Variants in CP observed in about 807,000 individuals in gnomAD.
CP encodes caeruloplasmin.
CP carries 64 observed loss-of-function variants against 122.4 expected under a neutral mutation model. The observed-to-expected ratio is 0.52, with a 90% confidence interval of 0.43 to 0.64. CP has a LOEUF of 0.64. Among genes scored for constraint, CP ranks in the 30% least tolerant of loss-of-function variants. CP has a pLI of 0.00. For missense variants in CP, 1,167 were observed against 1,284.4 expected (o/e 0.91, Z 1.40); for synonymous variants, 440 against 436.4 (o/e 1.01, Z -0.10).
chr3:149,169,632 A>G (rs1724782975), downstream of CP, among the ~76,000 whole-genome samples: 1 of 152,170 alleles, frequency 6.6e-6, no homozygotes. Flanking sequence ...AGTTATAACA[A>G]ACAAAAATGT....
In CP at chr3:149,202,047, T is replaced by C. The variant is rs75447948; in HGVS notation, c.1348+55A>G. 4,393 of 1,610,354 alleles carry C rather than the reference T, an allele frequency of 2.7e-3. 97 individuals are homozygous for C. The African/African-American group carries it at 0.048, about 18-fold the overall frequency. On this transcript the variant is annotated intron_variant, in intron 7 of 18. Transcript: ENST00000264613. ...CCTGAAGTTACTATTCTTTCTGAGG[T>C]TGATGTAGCCCATGGGAAGAGTAAA...
At chr3:149,216,205 G>T (rs1040693108) in intron 1 of CP, among the ~76,000 whole-genome samples, 1 of 152,216 alleles carries the variant, frequency 6.6e-6, no homozygotes, top group Non-Finnish European at 1.5e-5. Flanking sequence ...CTATGGGTCA[G>T]AGTCTGGCAT....
chr3:149,207,650 G>C (rs559047332), intron 4 of CP, 33 bp from the exon 5 acceptor site: 1 of 1,611,856 alleles, frequency 6.2e-7, no homozygotes, highest in Non-Finnish European at 8.5e-7. Context: ...GTGACTAAGA[G>C]TCATTAATGC....
At position 149,177,897 on chromosome 3, in the gene CP, C is replaced by T. The variant is rs1460906961; in HGVS notation, c.2961G>A (p.Met987Ile). 25 of 1,613,660 alleles carry T rather than the reference C, an allele frequency of 1.5e-5. No individual in the cohort carries two copies. Among genetic ancestry groups the T allele is most frequent in the Admixed American group, 3.3e-5 (2 of 60,002 alleles). Residue 987 changes from methionine (M) to isoleucine (I), a missense_variant, in exon 17 of 19, where the codon ATG (methionine) becomes ATA (isoleucine). This residue lies in a region of CP where 525 missense variants were observed against 657.2 expected (regional missense o/e 0.80). Transcript: ENST00000264613. ...GDEVNWYLMG[M>I]GNEIDLHTVH... Reference sequence around the variant, plus strand: ...CAGTGTGTAAGTCTATTTCATTGCCCATTCCCATCAGATACCAGTTGACTT... The same window carrying T: ...CAGTGTGTAAGTCTATTTCATTGCCTATTCCCATCAGATACCAGTTGACTT...
chr3:149,206,646 CTG>C, intron 5 of CP, among the ~76,000 whole-genome samples: 1 of 152,084 alleles, frequency 6.6e-6, no homozygotes, highest in African/African-American at 2.4e-5. Flanking sequence ...AAGAACAAAT[CTG>C]TAGATAAGCA....
At chr3:149,203,026 C>A (rs1160693125) in intron 6 of CP, among the ~76,000 whole-genome samples, 2 of 150,538 alleles carry the variant, frequency 1.3e-5, no homozygotes, top group South Asian at 4.2e-4. Context: ...CCTGCCTCAG[C>A]CTCCCGAGTA....
rs745371364 is a variant in CP, at chr3:149,185,309, C to G, written c.2215G>C (p.Val739Leu). ...LGERTYYIAA[V>L]EVEWDYSPQR... ...GGGGAATAATCCCATTCCACCTCCA[C>G]TGCTGCGATATAGTATGTCCTCTCT... is the stretch of plus-strand genomic sequence containing the variant. The change falls in exon 12 of 19, where the codon GTG becomes CTG. Residue 739 changes from valine to leucine, a missense_variant. Coordinates refer to ENST00000264613, the MANE Select transcript of CP (RefSeq NM_000096.4). The G allele has an allele frequency of 6.8e-6, 11 of 1,614,070 alleles. No individual in the cohort carries two copies. Among genetic ancestry groups the G allele is most frequent in the Non-Finnish European group, 8.5e-6 (10 of 1,180,022 alleles).
chr3:149,196,791 G>T (rs571223417), intron 9 of CP, among the ~76,000 whole-genome samples: 1 of 152,238 alleles, frequency 6.6e-6, no homozygotes, highest in Non-Finnish European at 1.5e-5. Context: ...TATAGGGAAT[G>T]AATCAAGTAT....
intron 11 of CP, chr3:149,186,287 A>G: frequency 1.8e-6 from 1 of 568,994 alleles, no homozygotes; most frequent in African/African-American, 1.9e-5. Context: ...ATGGAAGTGG[A>G]GAAAACCACA....
intron 7 of CP, 131 bp from the exon 8 acceptor site, chr3:149,199,995 A>G: frequency 3.1e-6 from 3 of 974,682 alleles, no homozygotes; most frequent in Admixed American, 4.0e-5. Flanking sequence ...TGGTGAATGG[A>G]AAGCTTGGTT....
At chr3:149,210,791 A>G (rs1728054702) in intron 2 of CP, among the ~76,000 whole-genome samples, 1 of 152,146 alleles carries the variant, frequency 6.6e-6, no homozygotes, top group African/African-American at 2.4e-5. Flanking sequence ...ACACACACAA[A>G]GGTTGAGAGA....
chr3:149,162,553 G>A (rs961998417), exon 6 of CP: 1 of 1,058,282 alleles, frequency 9.4e-7, no homozygotes, highest in Non-Finnish European at 1.4e-6. Context: ...GTCTAAATTT[G>A]CTTTTGCCAT....
chr3:149,165,873 C>A, intron 5 of CP: 2 of 396,342 alleles, frequency 5.0e-6, no homozygotes, highest in Admixed American at 2.9e-5. Flanking sequence ...CTTATTTCAT[C>A]TCTGCCATCT....
chr3:149,206,528 C>T (rs1464927598), intron 5 of CP, among the ~76,000 whole-genome samples, 189 bp from the exon 6 acceptor site: 3 of 152,150 alleles, frequency 2.0e-5, no homozygotes, highest in Admixed American at 2.0e-4. Context: ...AACAGATATA[C>T]TTTGTTTTTT....
chr3:149,186,546 G>C lies in CP; in HGVS notation c.2051C>G (p.Thr684Arg), dbSNP rs535750064. ...CTCTGTGTCAGGCCACATGTGGAGC[G>C]TAAGACTTGTTTGAGGGAAGAGGTT... ...TANLFPQTSL[T>R]LHMWPDTEGT... Residue 684 changes from threonine (T) to arginine (R), a missense_variant, in exon 11 of 19, where the codon ACG (threonine) becomes AGG (arginine). This residue lies in a region of CP where 525 missense variants were observed against 657.2 expected (regional missense o/e 0.80). Coordinates refer to ENST00000264613, the MANE Select transcript of CP (RefSeq NM_000096.4). 12 of 1,614,050 alleles carry C rather than the reference G, an allele frequency of 7.4e-6. No individual in the cohort carries two copies. Among genetic ancestry groups the C allele is most frequent in the Non-Finnish European group, 1.0e-5 (12 of 1,180,018 alleles).
At chr3:149,207,006 G>A (rs1054414521) in intron 5 of CP, among the ~76,000 whole-genome samples, 5 of 152,128 alleles carry the variant, frequency 3.3e-5, no homozygotes, top group Non-Finnish European at 5.9e-5. Context: ...AAAGAACAAA[G>A]TTAATTATAC....
rs1201195930 is a variant in CP, at chr3:149,212,687, T to C, written c.158A>G (p.Asn53Ser). 1.9e-6 allele frequency: 3 copies of C among 1,613,636 alleles called. No individual in the cohort carries two copies. Among genetic ancestry groups the C allele is most frequent in the Non-Finnish European group, 2.5e-6 (3 of 1,179,930 alleles). ...KLISVDTEHS[N>S]IYLQNGPDRI... ...ATCTGGGCCATTTTGAAGATAGATA[T>C]TGGAATGTTCCCTGCAAAGAAAAAC... is the stretch of plus-strand genomic sequence containing the variant. Residue 53 changes from asparagine to serine, a missense_variant, in exon 2 of 19, where the codon AAT (asparagine) becomes AGT (serine). Physicochemically the swap from Asn to Ser is conservative, Grantham distance 46. Around this residue, in one of 2 missense-constraint regions of CP, gnomAD observed 642 missense variants for 627.3 expected, o/e 1.02. Transcript: ENST00000264613.
intron 18 of CP, among the ~76,000 whole-genome samples, chr3:149,175,740 A>C (rs1725376363): frequency 1.3e-5 from 2 of 149,898 alleles, no homozygotes; most frequent in East Asian, 2.0e-4. Context: ...AGTGCATTTA[A>C]ATTTTGTTTC....
At chr3:149,191,523 T>C (rs548636914) in intron 9 of CP, among the ~76,000 whole-genome samples, 20 of 145,168 alleles carry the variant, frequency 1.4e-4, no homozygotes, top group African/African-American at 5.2e-4. Context: ...TCATACTTAG[T>C]GGTAAAATAA....
Sources: gnomAD v4.1 joint callset for allele counts (sites outside exome capture counted in the v4.1 genomes callset) on GRCh38, gnomAD v4.1.1 for gene constraint, gnomAD v4.1.1 regional missense constraint, MANE v1.5 for transcripts, NCBI Gene and HGNC (gene_info 2026-07-23, HGNC 2026-07-21) for gene names.